The following ARHGAP15 variants were observed in gnomAD, a reference collection of about 807,000 sequenced individuals.
The protein encoded by ARHGAP15 is Rho GTPase activating protein 15, also known as rho GTPase-activating protein 15.
ARHGAP15 carries 51 observed loss-of-function variants against 63.7 expected under a neutral mutation model. The observed-to-expected ratio is 0.80, with a 90% CI of 0.64 to 1.01. The LOEUF (loss-of-function observed/expected upper bound fraction) is 1.01, where lower values mean the gene tolerates loss of function less well. ARHGAP15 is among the 50% of genes least tolerant of loss of function. The pLI is 0.00. For synonymous variants in ARHGAP15, 191 were observed against 193.8 expected (o/e 0.99, Z 0.12); for missense variants, 560 against 564.6 (o/e 0.99, Z 0.08).
chr2:143,412,093 G>T (rs965410257), intron 6 of ARHGAP15, among the ~76,000 whole-genome samples: 11 of 152,144 alleles, frequency 7.2e-5, no homozygotes, highest in African/African-American at 2.7e-4. Context: ...GTGTGTTTGG[G>T]CCAGAGAAGT....
intron 13 of ARHGAP15, among the ~76,000 whole-genome samples, chr2:143,723,008 C>T (rs1685129622): frequency 6.6e-6 from 1 of 152,208 alleles, no homozygotes; most frequent in African/African-American, 2.4e-5. Context: ...ATGGACCTTA[C>T]ATATGATGGT....
intron 6 of ARHGAP15, among the ~76,000 whole-genome samples, chr2:143,411,689 A>G (rs1345748360): frequency 1.3e-5 from 2 of 152,254 alleles, no homozygotes; most frequent in African/African-American, 2.4e-5. Context: ...AACTGGAGAT[A>G]CATTGGTAAC....
chr2:143,457,375 C>T lies in ARHGAP15; in HGVS notation c.703+20333C>T, dbSNP rs531984949. Among the ~76,000 whole-genome samples the T allele has an allele frequency of 4.6e-5, 7 of 151,932 alleles. No individual in the cohort carries two copies. In the South Asian group the frequency reaches 1.5e-3, roughly 32 times the overall value. ...CCAACATAGTAAGACCCAGTCTCCA[C>T]AAAAAATAAAATACAAAACAATTAG... On this transcript the variant is annotated intron_variant, in intron 8 of 13. Transcript: ENST00000295095.
intron 8 of ARHGAP15, among the ~76,000 whole-genome samples, chr2:143,448,580 T>C (rs541846912): frequency 1.7e-4 from 26 of 152,208 alleles, no homozygotes; most frequent in African/African-American, 6.0e-4. Flanking sequence ...TTGATATTGA[T>C]AGGTTTTCTT....
intron 2 of ARHGAP15, among the ~76,000 whole-genome samples, chr2:143,174,828 G>A (rs1690948055): frequency 6.6e-6 from 1 of 152,050 alleles, no homozygotes; most frequent in Admixed American, 6.6e-5. Flanking sequence ...GTAGAATAAT[G>A]ACTCTATAAT....
chr2:143,312,710 A>G (rs1403720724), intron 6 of ARHGAP15, among the ~76,000 whole-genome samples: 1 of 152,174 alleles, frequency 6.6e-6, no homozygotes, highest in Non-Finnish European at 1.5e-5. Context: ...CTAATTCTAA[A>G]TCACCTGTTC....
chr2:143,567,145 C>G (rs548157104), intron 11 of ARHGAP15, among the ~76,000 whole-genome samples: 6 of 152,196 alleles, frequency 3.9e-5, no homozygotes, highest in East Asian at 1.9e-4. Flanking sequence ...AAAGTGCTGG[C>G]ATTACAGGGG....
At chr2:143,264,221 G>A (rs550958797) in intron 6 of ARHGAP15, among the ~76,000 whole-genome samples, 3 of 151,920 alleles carry the variant, frequency 2.0e-5, no homozygotes, top group African/African-American at 7.2e-5. Context: ...AAATACCCAG[G>A]TCATCATGAG....
chr2:143,767,976 T>C lies in ARHGAP15; in HGVS notation c.1245-13T>C, dbSNP rs745745642. The C allele has an allele frequency of 6.2e-7, 1 of 1,601,206 alleles. No homozygotes were observed. Among genetic ancestry groups the C allele is most frequent in the Middle Eastern group, 1.7e-4 (1 of 5,968 alleles). Reference sequence around the variant, plus strand: ...ACTCCAGTGAAATTATTTTTTTTTCTCTCTCTCCACAGGATAGTGGCCAAA... The same window carrying C: ...ACTCCAGTGAAATTATTTTTTTTTCCCTCTCTCCACAGGATAGTGGCCAAA... On this transcript the variant is annotated splice_polypyrimidine_tract_variant and intron_variant, in intron 13 of 13. Transcript: ENST00000295095.
chr2:143,187,151 T>A (rs1691483805), intron 2 of ARHGAP15, among the ~76,000 whole-genome samples: 1 of 152,190 alleles, frequency 6.6e-6, no homozygotes, highest in Non-Finnish European at 1.5e-5. Context: ...AGCATGAATT[T>A]TTTTTTCTGA....
chr2:143,687,264 T>G (rs1192948643), intron 12 of ARHGAP15, among the ~76,000 whole-genome samples: 1 of 152,210 alleles, frequency 6.6e-6, no homozygotes, highest in African/African-American at 2.4e-5. Flanking sequence ...AACAGCTGAC[T>G]ATTTTCTTAC....
chr2:143,611,167 G>C (rs1377204214), intron 11 of ARHGAP15, among the ~76,000 whole-genome samples: 2 of 152,108 alleles, frequency 1.3e-5, no homozygotes, highest in Admixed American at 1.3e-4. Context: ...AACTCATGTT[G>C]TTTGTTAGTT....
chr2:143,492,046 T>C (rs1465773248), intron 9 of ARHGAP15, among the ~76,000 whole-genome samples: 1 of 152,158 alleles, frequency 6.6e-6, no homozygotes, highest in African/African-American at 2.4e-5. Context: ...CACATCCGGC[T>C]AATTTTTTGT....
At chr2:143,323,419 G>A (rs933239004) in intron 6 of ARHGAP15, among the ~76,000 whole-genome samples, 1 of 152,126 alleles carries the variant, frequency 6.6e-6, no homozygotes, top group African/African-American at 2.4e-5. Context: ...GGCTTAAGAA[G>A]TCTATGAATG....
intron 6 of ARHGAP15, among the ~76,000 whole-genome samples, chr2:143,342,596 C>T (rs1211771794): frequency 6.6e-6 from 1 of 152,022 alleles, no homozygotes; most frequent in Non-Finnish European, 1.5e-5. Context: ...ATGTCTAGCA[C>T]TGAAGTTCCA....
chr2:143,489,026 A>G (rs139596212), intron 9 of ARHGAP15, among the ~76,000 whole-genome samples: 1,865 of 152,274 alleles, frequency 0.012, 33 homozygotes, highest in African/African-American at 0.042. Context: ...ATAGATGATC[A>G]TTTTCTTGGA....
chr2:143,593,044 C>T (rs534410896), intron 11 of ARHGAP15, among the ~76,000 whole-genome samples: 34 of 152,234 alleles, frequency 2.2e-4, no homozygotes, highest in East Asian at 1.2e-3. Context: ...TGTGGGAAAG[C>T]GTATCAAACA....
At chr2:143,390,896 C>A (rs1374353903) in intron 6 of ARHGAP15, among the ~76,000 whole-genome samples, 1 of 152,122 alleles carries the variant, frequency 6.6e-6, no homozygotes, top group Non-Finnish European at 1.5e-5. Flanking sequence ...TCCTTGTTAT[C>A]AAATTTTAAA....
intron 6 of ARHGAP15, among the ~76,000 whole-genome samples, chr2:143,385,975 T>C (rs1687271099): frequency 6.6e-6 from 1 of 152,158 alleles, no homozygotes; most frequent in African/African-American, 2.4e-5. Context: ...ACTACATAAA[T>C]AAATACTTCC....
Sources: allele counts gnomAD v4.1 joint callset (sites outside exome capture counted in the v4.1 genomes callset), GRCh38; gene constraint gnomAD v4.1.1; transcripts MANE v1.5; gene names NCBI Gene and HGNC (gene_info 2026-07-23, HGNC 2026-07-21).